The following DMD variants were observed in gnomAD, a reference collection of about 807,000 sequenced individuals.
DMD encodes the protein dystrophin, also known as mutant dystrophin.
Under a neutral mutation model 330.1 loss-of-function variants are expected in DMD, and 63 were observed. The observed-to-expected ratio is 0.19, with a 90% CI of 0.16 to 0.24. DMD has a LOEUF of 0.24. Ranked by LOEUF, DMD falls within the 10% of genes least tolerant of loss-of-function variation. DMD has a pLI of 1.00. For synonymous variants in DMD, 1,223 were observed against 959.8 expected (o/e 1.27, Z -5.07); for missense variants, 3,344 against 2,684.1 (o/e 1.25, Z -5.43).
At chrX:32,497,964 A>G (rs1166689346) in intron 19 of DMD, among the ~76,000 whole-genome samples, 1 of 112,156 alleles carries the variant, frequency 8.9e-6, no homozygotes, top group Admixed American at 9.5e-5. Context: ...CTAAATTTCT[A>G]AATTATTTAT....
chrX:31,453,765 CAAAAAAAAA>C lies in DMD; in HGVS notation c.8938-9147_8938-9139del, dbSNP rs760511403. ...CTCCCCTTTATAGACAAAAAACAAGCAAAAAAAAAAAAAAAAAAAAAAAAACCACAAAAT... is the reference window on the plus strand; with the variant it reads ...CTCCCCTTTATAGACAAAAAACAAGCAAAAAAAAAAAAAAAACCACAAAAT... On this transcript the variant is annotated intron_variant, in intron 59 of 78. Transcript: ENST00000357033. Among the ~76,000 whole-genome samples the C allele has an allele frequency of 3.3e-4, 3 of 8,978 alleles. No homozygotes were observed. In the East Asian group the frequency reaches 0.014, roughly 41 times the overall value. 7.8% of individuals were successfully genotyped at this position (8,978 alleles called of 115,157 possible).
chrX:32,747,479 T>C (rs189394499), intron 7 of DMD, among the ~76,000 whole-genome samples: 220 of 111,222 alleles, frequency 2.0e-3, no homozygotes, highest in Non-Finnish European at 3.4e-3. Flanking sequence ...GGTTTATTTA[T>C]TTACTTACTT....
At chrX:32,009,648 G>A (rs1228199726) in intron 44 of DMD, among the ~76,000 whole-genome samples, 1 of 111,643 alleles carries the variant, frequency 9.0e-6, no homozygotes, top group Non-Finnish European at 1.9e-5. Flanking sequence ...ACTCTCAGAT[G>A]ATAACTAATT....
intron 1 of DMD, among the ~76,000 whole-genome samples, chrX:33,170,253 T>TA (rs1168974789): frequency 8.9e-6 from 1 of 111,825 alleles, no homozygotes; most frequent in African/African-American, 3.2e-5. Context: ...GTCATACACT[T>TA]ACAAAAGTTT....
intron 63 of DMD, among the ~76,000 whole-genome samples, chrX:31,233,435 A>C (rs2047409954): frequency 9.0e-6 from 1 of 111,727 alleles, no homozygotes; most frequent in South Asian, 3.8e-4. Flanking sequence ...AAGACTCTAA[A>C]AATGATCAGA....
At chrX:31,945,397 C>T (rs959530552) in intron 45 of DMD, among the ~76,000 whole-genome samples, 5 of 111,549 alleles carry the variant, frequency 4.5e-5, no homozygotes, top group Non-Finnish European at 7.5e-5. Context: ...GGTGCAGTGG[C>T]GCGATCTTGG....
At chrX:31,873,305 A>T (rs975116949) in intron 48 of DMD, among the ~76,000 whole-genome samples, 6 of 111,763 alleles carry the variant, frequency 5.4e-5, no homozygotes, top group Middle Eastern at 4.6e-3. Context: ...CATAAGTGTC[A>T]GGAGGAAGTA....
rs1194097099 is a variant in DMD at position 33,024,060 on chromosome X, C to T, written c.32-3860G>A. Among the ~76,000 whole-genome samples the T allele has an allele frequency of 7.2e-5, 8 of 110,826 alleles. No homozygotes were observed. In the Admixed American group the frequency reaches 7.7e-4, roughly 11 times the overall value. On this transcript the variant is annotated intron_variant, in intron 1 of 78. Transcript: ENST00000357033. ...AAGTTGACTATTTTAAGCTGTATAC[C>T]CTTAGTTAACCTAAAGCCACCATAC...
At chrX:31,454,190 G>A (rs753633723) in intron 59 of DMD, among the ~76,000 whole-genome samples, 16 of 111,403 alleles carry the variant, frequency 1.4e-4, no homozygotes, top group Admixed American at 7.6e-4. Context: ...CCCGGCTGGA[G>A]TGCAATGGTG....
chrX:31,541,471 A>G (rs1371461051), intron 55 of DMD, among the ~76,000 whole-genome samples: 1 of 101,055 alleles, frequency 9.9e-6, no homozygotes, highest in Admixed American at 1.1e-4. Flanking sequence ...TATATCTCCT[A>G]ACGCTATCCC....
chrX:32,901,685 C>A (rs1005797404), intron 2 of DMD, among the ~76,000 whole-genome samples: 1 of 110,732 alleles, frequency 9.0e-6, no homozygotes, highest in South Asian at 3.7e-4. Context: ...AATGTAATAT[C>A]TGTTGGTAGC....
intron 2 of DMD, among the ~76,000 whole-genome samples, chrX:32,897,960 T>C (rs760473816): frequency 8.9e-6 from 1 of 112,591 alleles, no homozygotes; most frequent in African/African-American, 3.2e-5. Flanking sequence ...ATCCCATATG[T>C]AGAATTATCA....
intron 7 of DMD, among the ~76,000 whole-genome samples, chrX:32,799,693 G>A (rs761685755): frequency 9.2e-6 from 1 of 108,632 alleles, no homozygotes; most frequent in Non-Finnish European, 1.9e-5. Context: ...AGAATGTACT[G>A]TCTTACAGAG....
intron 1 of DMD, among the ~76,000 whole-genome samples, chrX:33,084,220 G>A (rs1195358713): frequency 1.8e-5 from 2 of 112,044 alleles, no homozygotes; most frequent in Admixed American, 9.5e-5. Flanking sequence ...ACTGAAAGGG[G>A]GCCACCAAAC....
chrX:32,042,026 CATATATATATATATATATAT>C (rs57983190), intron 44 of DMD, among the ~76,000 whole-genome samples: 27 of 40,475 alleles, frequency 6.7e-4, no homozygotes, highest in African/African-American at 2.0e-3. Flanking sequence ...TCTCTCTGTT[CATATATATATATATATATAT>C]ATATATATAT....
At position 31,157,885 on chromosome X, in the gene DMD, C is replaced by T. The variant is rs373318205; in HGVS notation, c.10554-10367G>A. Among the ~76,000 whole-genome samples, 7 of 107,591 alleles carry T rather than the reference C, an allele frequency of 6.5e-5. No individual in the cohort carries two copies. The East Asian group carries it at 2.1e-3, about 32-fold the overall frequency. 93.4% of individuals were successfully genotyped at this position (107,591 alleles called of 115,157 possible). ...GTGGTGTAATCATAGCTCACTGTAA[C>T]CTTGAATTCCTGGGCTCAAGTGATC... is the stretch of plus-strand genomic sequence containing the variant. On this transcript the variant is annotated intron_variant, in intron 74 of 78. Coordinates refer to ENST00000357033, the MANE Select transcript of DMD (RefSeq NM_004006.3).
chrX:31,343,894 A>G (rs1171562324), intron 61 of DMD, among the ~76,000 whole-genome samples: 1 of 110,760 alleles, frequency 9.0e-6, no homozygotes, highest in Non-Finnish European at 1.9e-5. Flanking sequence ...TATTTAAAAC[A>G]TATTTTTATT....
At chrX:32,991,875 A>AT (rs1386762594) in intron 2 of DMD, among the ~76,000 whole-genome samples, 1 of 112,024 alleles carries the variant, frequency 8.9e-6, no homozygotes, top group Non-Finnish European at 1.9e-5. Context: ...AAGACTGGAG[A>AT]TTTTTTCCCC....
chrX:32,367,176 T>C (rs1035297679), intron 34 of DMD, among the ~76,000 whole-genome samples: 1 of 111,660 alleles, frequency 9.0e-6, no homozygotes, highest in Non-Finnish European at 1.9e-5. Flanking sequence ...ATAGACTAGA[T>C]TTTATTCCTT....
Sources: gnomAD v4.1 joint callset for allele counts (sites outside exome capture counted in the v4.1 genomes callset) on GRCh38, gnomAD v4.1.1 for gene constraint, MANE v1.5 for transcripts, NCBI Gene and HGNC (gene_info 2026-07-23, HGNC 2026-07-21) for gene names.